The following SLC35F3 variants were observed in gnomAD, a reference collection of about 807,000 sequenced individuals.
The protein encoded by SLC35F3 is solute carrier family 35 member F3.
A neutral mutation model predicts 49.9 loss-of-function variants in SLC35F3; 25 were observed. The ratio of observed to expected loss-of-function variants is 0.50; its 90% CI spans 0.37 to 0.70. SLC35F3 has a LOEUF of 0.70. SLC35F3 is among the 30% of genes least tolerant of loss of function. The pLI, the probability that SLC35F3 is intolerant of heterozygous loss-of-function variation, is 0.00. For synonymous variants in SLC35F3, 275 were observed against 265.4 expected, an observed-to-expected ratio of 1.04 and a Z score of -0.35; for missense variants, 525 against 639.8, an observed-to-expected ratio of 0.82 and a Z score of 1.94.
intron 2 of SLC35F3, among the ~76,000 whole-genome samples, chr1:234,026,472 G>T (rs1293573107): frequency 6.6e-6 from 1 of 152,162 alleles, no homozygotes; most frequent in Non-Finnish European, 1.5e-5. Flanking sequence ...TAAAGACAAA[G>T]GCCTTTATAC....
intron 2 of SLC35F3, among the ~76,000 whole-genome samples, chr1:233,923,573 T>C (rs1662104266): frequency 6.6e-6 from 1 of 152,220 alleles, no homozygotes; most frequent in South Asian, 2.1e-4. Flanking sequence ...TTTCTAAATA[T>C]ACAATCATGT....
At chr1:233,905,152 G>T (rs78485515) in intron 1 of SLC35F3, 22 bp downstream of exon 1, 1 of 1,551,058 alleles carries the variant, frequency 6.4e-7, no homozygotes. Context: ...CCCGGGCGTG[G>T]GTGAGCGAGC....
At chr1:234,159,093 A>C (rs1391441047) in intron 2 of SLC35F3, among the ~76,000 whole-genome samples, 5 of 152,170 alleles carry the variant, frequency 3.3e-5, no homozygotes, top group African/African-American at 4.8e-5. Context: ...TATAGATGTT[A>C]TAGAATTTTC....
chr1:233,986,166 T>TA (rs1663263518), intron 2 of SLC35F3, among the ~76,000 whole-genome samples: 1 of 152,246 alleles, frequency 6.6e-6, no homozygotes, highest in Admixed American at 6.5e-5. Context: ...TAATGTTAGC[T>TA]ATTACTCTTA....
intron 2 of SLC35F3, among the ~76,000 whole-genome samples, chr1:233,996,363 C>T (rs1663460476): frequency 6.6e-6 from 1 of 152,020 alleles, no homozygotes; most frequent in Admixed American, 6.6e-5. Flanking sequence ...ATGGAGCATC[C>T]TCGGATTTTG....
chr1:234,181,714 G>A (rs904714612), intron 2 of SLC35F3, among the ~76,000 whole-genome samples: 3 of 152,148 alleles, frequency 2.0e-5, no homozygotes, highest in African/African-American at 7.2e-5. Context: ...CGTATTTCCT[G>A]TAAGTTGATA....
chr1:234,059,402 T>A (rs1024058932), intron 2 of SLC35F3, among the ~76,000 whole-genome samples: 1 of 152,206 alleles, frequency 6.6e-6, no homozygotes, highest in Non-Finnish European at 1.5e-5. Context: ...CTCAAAGTAT[T>A]TTCTAATTTC....
chr1:234,089,106 C>T (rs542052277), intron 2 of SLC35F3, among the ~76,000 whole-genome samples: 3 of 152,188 alleles, frequency 2.0e-5, no homozygotes, highest in South Asian at 4.1e-4. Context: ...ACTGGTGTTC[C>T]ACGAGGCAGT....
intron 2 of SLC35F3, among the ~76,000 whole-genome samples, chr1:233,981,264 C>T (rs1663177447): frequency 6.6e-6 from 1 of 152,164 alleles, no homozygotes; most frequent in Non-Finnish European, 1.5e-5. Context: ...AGAACGGATC[C>T]TTCACCACAA....
rs985686157 is a variant in SLC35F3 at position 234,272,194 on chromosome 1, A to G, written c.609-36907A>G. On this transcript the variant is annotated intron_variant, in intron 3 of 7. Coordinates refer to ENST00000366618, the MANE Select transcript of SLC35F3 (RefSeq NM_173508.4). ...TGATAAAATCCATTCATATTTAAGA[A>G]TCCTTACCTGGCCCTCCTAATGGAA... is the stretch of plus-strand genomic sequence containing the variant. Among the ~76,000 whole-genome samples, 3 of 152,160 alleles carry G rather than the reference A, an allele frequency of 2.0e-5. No individual in the cohort carries two copies. The South Asian group carries it at 6.2e-4, about 31-fold the overall frequency.
At chr1:234,308,991 A>G in intron 3 of SLC35F3, 110 bp from the exon 4 acceptor site, 1 of 741,686 alleles carries the variant, frequency 1.3e-6, no homozygotes, top group Non-Finnish European at 2.2e-6. Flanking sequence ...AAATTTTAAA[A>G]CCCTGCCCCT....
chr1:233,968,736 C>T (rs531185954), intron 2 of SLC35F3, among the ~76,000 whole-genome samples: 51 of 152,170 alleles, frequency 3.4e-4, no homozygotes, highest in East Asian at 3.8e-4. Context: ...CCACCCATCT[C>T]GTCCTCCCAA....
intron 2 of SLC35F3, among the ~76,000 whole-genome samples, chr1:234,020,975 C>T (rs1376525329): frequency 6.6e-6 from 1 of 152,188 alleles, no homozygotes; most frequent in Non-Finnish European, 1.5e-5. Flanking sequence ...AGCTGGTTCT[C>T]AGAAGGCCGC....
In SLC35F3 at chr1:234,061,542, T is replaced by G. The variant is rs146087656; in HGVS notation, c.283+155784T>G. Among the ~76,000 whole-genome samples the G allele has an allele frequency of 3.3e-5, 5 of 152,260 alleles. No homozygotes were observed. In the East Asian group the frequency reaches 9.6e-4, roughly 29 times the overall value. ...TTAAGCCATTATTTCTCCAAATATT[T>G]TTTTCTGCTCTTTTCTCTCTTCTTT... On this transcript the variant is annotated intron_variant, in intron 2 of 7. Transcript: ENST00000366618.
At chr1:234,313,546 C>T (rs957779601) in intron 4 of SLC35F3, among the ~76,000 whole-genome samples, 1 of 152,186 alleles carries the variant, frequency 6.6e-6, no homozygotes, top group African/African-American at 2.4e-5. Context: ...CCATCTCGGT[C>T]TTGGGCCACT....
At chr1:234,234,081 G>A (rs1667426288) in intron 3 of SLC35F3, among the ~76,000 whole-genome samples, 1 of 152,162 alleles carries the variant, frequency 6.6e-6, no homozygotes, top group South Asian at 2.1e-4. Context: ...ACTTTAAACA[G>A]ACTTTAGGAT....
At chr1:234,022,511 C>T (rs1043498471) in intron 2 of SLC35F3, among the ~76,000 whole-genome samples, 2 of 152,120 alleles carry the variant, frequency 1.3e-5, no homozygotes, top group African/African-American at 4.8e-5. Context: ...GGAGGCCCAC[C>T]CACATTATGG....
At chr1:234,313,469 C>T (rs932065534) in intron 4 of SLC35F3, among the ~76,000 whole-genome samples, 9 of 152,160 alleles carry the variant, frequency 5.9e-5, no homozygotes, top group South Asian at 2.1e-4. Flanking sequence ...CAGTAATCCC[C>T]GGCCTGTGTT....
At chr1:233,942,697 G>A (rs1571989411) in intron 2 of SLC35F3, among the ~76,000 whole-genome samples, 1 of 152,186 alleles carries the variant, frequency 6.6e-6, no homozygotes, top group East Asian at 1.9e-4. Flanking sequence ...ACAGACATGA[G>A]CCGCTGAGCC....
Sources: allele counts gnomAD v4.1 joint callset (sites outside exome capture counted in the v4.1 genomes callset), GRCh38; gene constraint gnomAD v4.1.1; transcripts MANE v1.5; gene names NCBI Gene and HGNC (gene_info 2026-07-23, HGNC 2026-07-21).